NRG1: variants seen among roughly 807,000 people sequenced by gnomAD.
The protein encoded by NRG1 is neuregulin 1.
In NRG1, 18 loss-of-function variants were observed where a neutral mutation model predicts 63.8. The ratio of observed to expected loss-of-function variants is 0.28; its 90% CI spans 0.19 to 0.42. The LOEUF (loss-of-function observed/expected upper bound fraction) is 0.42. Ranked by LOEUF, NRG1 falls within the 10% of genes least tolerant of loss-of-function variation. The pLI, the probability that NRG1 is intolerant of heterozygous loss-of-function variation, is 1.00. For synonymous variants in NRG1, 302 were observed against 301.3 expected (o/e 1.00, Z -0.02); for missense variants, 762 against 814.7 (o/e 0.94, Z 0.79).
At chr8:32,619,807 A>G (rs1331261565) in intron 5 of NRG1, among the ~76,000 whole-genome samples, 1 of 152,086 alleles carries the variant, frequency 6.6e-6, no homozygotes, top group Non-Finnish European at 1.5e-5. Context: ...TACAATATGC[A>G]TGTTTTACTA....
intron 1 of NRG1, among the ~76,000 whole-genome samples, chr8:32,053,128 T>A (rs191289795): frequency 4.2e-4 from 64 of 152,268 alleles, no homozygotes; most frequent in African/African-American, 1.5e-3. Flanking sequence ...TTGATGCAGA[T>A]CTATTTTGGA....
intron 1 of NRG1, among the ~76,000 whole-genome samples, chr8:32,062,425 A>G (rs576617452): frequency 6.6e-6 from 1 of 152,166 alleles, no homozygotes; most frequent in African/African-American, 2.4e-5. Context: ...TTAGCTTTAT[A>G]CAAATTTCTA....
chr8:32,481,815 G>T (rs1825324124), intron 1 of NRG1, among the ~76,000 whole-genome samples: 1 of 152,138 alleles, frequency 6.6e-6, no homozygotes, highest in South Asian at 2.1e-4. Flanking sequence ...ATTGGATTAG[G>T]GTGGAGGAGA....
intron 1 of NRG1, among the ~76,000 whole-genome samples, chr8:32,321,373 G>A (rs1193051185): frequency 2.0e-5 from 3 of 151,656 alleles, no homozygotes. Flanking sequence ...GGAGACATGT[G>A]TTACCTCTTT....
chr8:31,745,381 T>C (rs1370578277), intron 1 of NRG1, among the ~76,000 whole-genome samples: 1 of 151,928 alleles, frequency 6.6e-6, no homozygotes, highest in African/African-American at 2.4e-5. Context: ...TGGCGGCCAC[T>C]GTAAAACTCG....
At chr8:32,155,765 C>T (rs985996768) in intron 1 of NRG1, among the ~76,000 whole-genome samples, 1 of 152,210 alleles carries the variant, frequency 6.6e-6, no homozygotes, top group Admixed American at 6.5e-5. Context: ...TATCTCCTAT[C>T]TCAATGCCTA....
At chr8:32,524,523 A>T (rs1293213394) in intron 1 of NRG1, among the ~76,000 whole-genome samples, 2 of 151,146 alleles carry the variant, frequency 1.3e-5, no homozygotes, top group East Asian at 3.9e-4. Context: ...CCCTTCCAAA[A>T]TTTTTTCTAG....
chr8:32,275,693 G>A (rs779093210), intron 1 of NRG1, among the ~76,000 whole-genome samples: 1 of 151,988 alleles, frequency 6.6e-6, no homozygotes, highest in African/African-American at 2.4e-5. Context: ...GGAGGACTGA[G>A]TTTCTCAAAC....
chr8:32,507,882 G>T (rs1228816473), intron 1 of NRG1, among the ~76,000 whole-genome samples: 1 of 152,136 alleles, frequency 6.6e-6, no homozygotes, highest in Non-Finnish European at 1.5e-5. Context: ...ATTTTTAGTA[G>T]AGATGGGGTT....
chr8:32,070,206 G>C (rs528638678), intron 1 of NRG1, among the ~76,000 whole-genome samples: 1 of 152,050 alleles, frequency 6.6e-6, no homozygotes, highest in Non-Finnish European at 1.5e-5. Flanking sequence ...AAGTCAGAGC[G>C]GTACAAAATC....
At chr8:32,140,735 T>TTCTG (rs1836140610) in intron 1 of NRG1, among the ~76,000 whole-genome samples, 1 of 152,156 alleles carries the variant, frequency 6.6e-6, no homozygotes, top group Non-Finnish European at 1.5e-5. Flanking sequence ...AGTGCAGGGA[T>TTCTG]TACAGACATG....
At chr8:32,465,453 A>C (rs1822935063) in intron 1 of NRG1, among the ~76,000 whole-genome samples, 1 of 152,342 alleles carries the variant, frequency 6.6e-6, no homozygotes, top group Non-Finnish European at 1.5e-5. Context: ...CCGCTTATTT[A>C]AGAAAGTAGT....
At position 31,839,061 on chromosome 8, in the gene NRG1, G is replaced by A. The variant is rs1238428586; in HGVS notation, c.37+199630G>A. On this transcript the variant is annotated intron_variant, in intron 1 of 10. Coordinates refer to the NRG1 transcript ENST00000519301. ...TATTTCATTATATGTTTTTAATCAA[G>A]AATGGATTTGAATTTCATCAAATAC... Among the ~76,000 whole-genome samples, 3 of 152,140 alleles carry A rather than the reference G, an allele frequency of 2.0e-5. No individual in the cohort carries two copies. In the East Asian group the frequency reaches 5.8e-4, roughly 29 times the overall value.
intron 1 of NRG1, among the ~76,000 whole-genome samples, chr8:32,373,294 C>T (rs1026891515): frequency 6.6e-6 from 1 of 152,098 alleles, no homozygotes; most frequent in Non-Finnish European, 1.5e-5. Flanking sequence ...GAATTTTCAC[C>T]TCCTGATTTT....
chr8:32,257,891 A>G (rs933307376), intron 1 of NRG1, among the ~76,000 whole-genome samples: 4 of 152,248 alleles, frequency 2.6e-5, no homozygotes, highest in Admixed American at 1.3e-4. Context: ...GATTAGTTTA[A>G]TAAATTTTGG....
chr8:31,986,898 G>T (rs186608), intron 1 of NRG1, among the ~76,000 whole-genome samples: 1 of 152,102 alleles, frequency 6.6e-6, no homozygotes, highest in Non-Finnish European at 1.5e-5. Flanking sequence ...TGACTTTTAA[G>T]CTAAAGAAGG....
rs78326942 is a variant in NRG1, at chr8:32,383,867, C to T, written c.38-211961C>T. Among the ~76,000 whole-genome samples, 1,027 of 152,304 alleles carry T rather than the reference C, an allele frequency of 6.7e-3. 10 individuals carry two copies. Among genetic ancestry groups the T allele is most frequent in the African/African-American group, 0.023 (961 of 41,554 alleles). ...GTAATGAGAATGCATAGCCCCACTT[C>T]GTCTGGTAAATTGGGACTGTAATTC... On this transcript the variant is annotated intron_variant, in intron 1 of 10. Transcript: ENST00000519301.
rs543800635 is a variant in NRG1, at chr8:32,251,817, C to T, written c.38-344011C>T. The stretch of plus-strand genomic sequence containing the variant: ...TCTAATGACCAGTGATGATGAGTTG[C>T]GTTTCTCTAATGACCAGTGATGATG... On this transcript the variant is annotated intron_variant, in intron 1 of 10. Coordinates refer to the NRG1 transcript ENST00000519301. 3.4e-4 allele frequency among the ~76,000 whole-genome samples: 51 copies of T among 151,736 alleles called. 1 individual carries two copies. The highest frequency in any genetic ancestry group is 2.4e-3 in the Admixed American group (37 of 15,220).
intron 1 of NRG1, among the ~76,000 whole-genome samples, chr8:31,766,919 T>C (rs1646210893): frequency 6.6e-6 from 1 of 152,252 alleles, no homozygotes; most frequent in Admixed American, 6.5e-5. Context: ...GCTTCTCCCT[T>C]TGTTCCACAT....
Sources: allele counts gnomAD v4.1 joint callset (sites outside exome capture counted in the v4.1 genomes callset), GRCh38; gene constraint gnomAD v4.1.1; transcripts MANE v1.5; gene names NCBI Gene and HGNC (gene_info 2026-07-23, HGNC 2026-07-21).